The following ASTN1 variants were observed in gnomAD, a reference collection of about 807,000 sequenced individuals.
ASTN1 encodes the protein astrotactin-1.
A neutral mutation model predicts 140.7 loss-of-function variants in ASTN1; 41 were observed. The observed-to-expected ratio is 0.29, with a 90% CI of 0.23 to 0.38. ASTN1 has a LOEUF of 0.38. Ranked by LOEUF, ASTN1 falls within the 10% of genes least tolerant of loss-of-function variation. ASTN1 has a pLI of 1.00. For missense variants in ASTN1, 1,479 were observed against 1,678.8 expected, an observed-to-expected ratio of 0.88 and a Z score of 2.08; for synonymous variants, 640 against 652.2, an observed-to-expected ratio of 0.98 and a Z score of 0.29.
chr1:177,063,203 A>G (rs1188760028), intron 1 of ASTN1, among the ~76,000 whole-genome samples: 1 of 152,214 alleles, frequency 6.6e-6, no homozygotes, highest in African/African-American at 2.4e-5. Flanking sequence ...CTCAAAAGAC[A>G]CTGATATGAT....
At chr1:177,096,228 A>G (rs1413985379) in intron 1 of ASTN1, among the ~76,000 whole-genome samples, 1 of 152,132 alleles carries the variant, frequency 6.6e-6, no homozygotes, top group Non-Finnish European at 1.5e-5. Context: ...TCTCACCTAT[A>G]TCTGATTTAG....
chr1:176,897,071 T>C (rs1463977923), intron 16 of ASTN1, among the ~76,000 whole-genome samples: 1 of 152,000 alleles, frequency 6.6e-6, no homozygotes, highest in Non-Finnish European at 1.5e-5. Flanking sequence ...AGTCAAGAGT[T>C]CGAGACCAGC....
intron 8 of ASTN1, among the ~76,000 whole-genome samples, chr1:176,990,405 G>T (rs1674102583): frequency 6.6e-6 from 1 of 152,070 alleles, no homozygotes; most frequent in Middle Eastern, 3.2e-3. Flanking sequence ...GAAGGAAGAA[G>T]TGCAATGGCC....
In ASTN1 at chr1:177,149,543, GTA is replaced by G. The variant is rs1369545329; in HGVS notation, c.283+14849_283+14850del. 5.5e-4 allele frequency among the ~76,000 whole-genome samples: 34 copies of G among 61,688 alleles called. 1 individual carries two copies. Among genetic ancestry groups the G allele is most frequent in the Non-Finnish European group, 5.5e-4 (23 of 41,646 alleles). The allele number at this position is 61,688 out of a possible 152,430, so 40.5% of individuals were successfully genotyped here. A position where few individuals can be genotyped will look rare whatever the true frequency, so the allele number is the denominator to read the frequency against. On this transcript the variant is annotated intron_variant, in intron 1 of 22. Coordinates refer to ENST00000361833, the MANE Select transcript of ASTN1 (RefSeq NM_004319.3). ...AGTATATATATAGTAAATATATATA[GTA>G]TATATATAGTAAATATATATACACT...
At chr1:177,138,639 C>T (rs937274203) in intron 1 of ASTN1, among the ~76,000 whole-genome samples, 3 of 152,176 alleles carry the variant, frequency 2.0e-5, no homozygotes, top group Admixed American at 2.0e-4. Context: ...ACCCGGACAG[C>T]TCTGCTTCAC....
intron 16 of ASTN1, among the ~76,000 whole-genome samples, chr1:176,904,465 GGA>G (rs889985807): frequency 5.3e-5 from 8 of 152,120 alleles, no homozygotes; most frequent in African/African-American, 1.9e-4. Flanking sequence ...AGCAGCATGG[GGA>G]GAGGGAGTGC....
intron 1 of ASTN1, among the ~76,000 whole-genome samples, chr1:177,120,535 CT>C (rs1446899932): frequency 6.6e-6 from 1 of 152,214 alleles, no homozygotes; most frequent in Non-Finnish European, 1.5e-5. Flanking sequence ...CCAGGAGTTA[CT>C]TAATTCTCCC....
chr1:176,934,061 T>C (rs1671326854), intron 16 of ASTN1, 91 bp downstream of exon 16: 1 of 1,328,024 alleles, frequency 7.5e-7, no homozygotes, highest in South Asian at 1.7e-5. Context: ...GAGTCGTTAC[T>C]ACAGACTCCT....
intron 16 of ASTN1, among the ~76,000 whole-genome samples, chr1:176,932,976 T>C (rs75049508): frequency 0.012 from 1,850 of 152,336 alleles, 47 homozygotes; most frequent in African/African-American, 0.041. Context: ...TTATATTACA[T>C]TGCTCTCTTG....
intron 8 of ASTN1, among the ~76,000 whole-genome samples, chr1:177,009,373 G>A (rs1675170652): frequency 6.6e-6 from 1 of 152,132 alleles, no homozygotes; most frequent in Non-Finnish European, 1.5e-5. Context: ...CATCCTTCAG[G>A]CAGGACAAAA....
intron 15 of ASTN1, among the ~76,000 whole-genome samples, chr1:176,935,740 T>C (rs1671413396): frequency 6.6e-6 from 1 of 152,086 alleles, no homozygotes. Flanking sequence ...AGAGGGCTAA[T>C]ATCTATTTCT....
intron 2 of ASTN1, among the ~76,000 whole-genome samples, chr1:177,057,643 G>T (rs907243823): frequency 1.3e-4 from 20 of 152,010 alleles, no homozygotes; most frequent in Non-Finnish European, 1.5e-4. Context: ...TTCGATAATC[G>T]CTTTATCTTT....
At chr1:176,949,037 T>C (rs1672074351) in intron 12 of ASTN1, 148 bp downstream of exon 12, 2 of 1,145,858 alleles carry the variant, frequency 1.7e-6, no homozygotes, top group Non-Finnish European at 1.2e-6. Context: ...TTAAAAATGT[T>C]CCCCCCCAAG....
At chr1:176,913,998 T>C (rs1257684132) in intron 16 of ASTN1, among the ~76,000 whole-genome samples, 2 of 152,176 alleles carry the variant, frequency 1.3e-5, no homozygotes, top group Non-Finnish European at 2.9e-5. Flanking sequence ...GAAGAGTGTA[T>C]CTGGCTATAT....
intron 1 of ASTN1, among the ~76,000 whole-genome samples, chr1:177,100,172 T>G (rs555235668): frequency 6.6e-6 from 1 of 152,280 alleles, no homozygotes; most frequent in South Asian, 2.1e-4. Flanking sequence ...AAAAAATTAG[T>G]TAATACAGAT....
At position 176,930,154 on chromosome 1, in the gene ASTN1, A is replaced by G. The variant is rs115502798; in HGVS notation, c.2671+3998T>C. Among the ~76,000 whole-genome samples, 821 of 152,328 alleles carry G rather than the reference A, an allele frequency of 5.4e-3. 7 individuals are homozygous for G. Among genetic ancestry groups the G allele is most frequent in the African/African-American group, 0.019 (780 of 41,574 alleles). ...GAGAAGAGGAGACCCTGTTGAAGACATACTTAGGTGGTGAAAAGGACTTTG... is the reference window on the plus strand; with the variant it reads ...GAGAAGAGGAGACCCTGTTGAAGACGTACTTAGGTGGTGAAAAGGACTTTG... On this transcript the variant is annotated intron_variant, in intron 16 of 22. Transcript: ENST00000361833.
intron 16 of ASTN1, among the ~76,000 whole-genome samples, chr1:176,930,663 G>A (rs1671169558): frequency 1.3e-5 from 2 of 152,194 alleles, no homozygotes. Context: ...ACATGGGATG[G>A]TCACAGGATT....
At chr1:177,029,481 A>T (rs368473292) in intron 5 of ASTN1, 153 bp downstream of exon 5, 162 of 804,004 alleles carry the variant, frequency 2.0e-4, no homozygotes, top group Non-Finnish European at 3.2e-4. Context: ...TTTCTTCCTT[A>T]GGAGGAAACA....
At chr1:177,012,570 T>C (rs1431731606) in intron 8 of ASTN1, among the ~76,000 whole-genome samples, 2 of 152,262 alleles carry the variant, frequency 1.3e-5, no homozygotes, top group African/African-American at 4.8e-5. Flanking sequence ...AATGTTTCTG[T>C]CAGTCTATAA....
Sources: gnomAD v4.1 joint callset for allele counts (sites outside exome capture counted in the v4.1 genomes callset) on GRCh38, gnomAD v4.1.1 for gene constraint, MANE v1.5 for transcripts, NCBI Gene and HGNC (gene_info 2026-07-23, HGNC 2026-07-21) for gene names.